LRFN5: variants seen among roughly 807,000 people sequenced by gnomAD.
LRFN5 encodes the protein leucine-rich repeat and fibronectin type-III domain-containing protein 5.
LRFN5 carries 24 observed loss-of-function variants against 45.6 expected under a neutral mutation model. The ratio of observed to expected loss-of-function variants is 0.53; its 90% CI spans 0.38 to 0.74. The LOEUF (loss-of-function observed/expected upper bound fraction) is 0.74, where lower values mean the gene tolerates loss of function less well. Ranked by LOEUF, LRFN5 falls within the 30% of genes least tolerant of loss-of-function variation. LRFN5 has a pLI of 0.00. For missense variants in LRFN5, 776 were observed against 861.5 expected, an observed-to-expected ratio of 0.90 and a Z score of 1.24; for synonymous variants, 340 against 313.8, an observed-to-expected ratio of 1.08 and a Z score of -0.88.
intron 1 of LRFN5, among the ~76,000 whole-genome samples, chr14:41,627,468 T>C (rs1174841593): frequency 6.6e-6 from 1 of 152,142 alleles, no homozygotes; most frequent in Non-Finnish European, 1.5e-5. Context: ...TCTAGGTATA[T>C]TTTCCTTTTG....
intron 1 of LRFN5, among the ~76,000 whole-genome samples, chr14:41,717,833 T>G (rs1165009729): frequency 2.6e-5 from 4 of 152,154 alleles, no homozygotes; most frequent in Non-Finnish European, 5.9e-5. Context: ...CCTGGTGTCT[T>G]CAGTCTCAAA....
chr14:41,652,028 C>A (rs1033172034), intron 1 of LRFN5, among the ~76,000 whole-genome samples: 2 of 151,912 alleles, frequency 1.3e-5, no homozygotes, highest in African/African-American at 4.8e-5. Context: ...CTTTAAAGAC[C>A]CCATTTCCAA....
rs575817317 is a variant in LRFN5, at chr14:41,620,592, T to A, written c.-197+12030T>A. ...TTGTGTAACTTTTTTCCCACTGATG[T>A]CTATCTGTTTAATAGTTCTATTTCT... On this transcript the variant is annotated intron_variant, in intron 1 of 5. Transcript: ENST00000298119. 2.6e-5 allele frequency among the ~76,000 whole-genome samples: 4 copies of A among 152,226 alleles called. No individual in the cohort carries two copies. The East Asian group carries it at 5.8e-4, about 22-fold the overall frequency.
intron 2 of LRFN5, among the ~76,000 whole-genome samples, chr14:41,833,259 G>A (rs1030786033): frequency 5.3e-5 from 8 of 152,108 alleles, no homozygotes; most frequent in Admixed American, 3.9e-4. Flanking sequence ...TTAGCGATCC[G>A]CAGGAAAAGT....
At chr14:41,901,593 CTT>C (rs1891103790) in intron 5 of LRFN5, among the ~76,000 whole-genome samples, 1 of 151,864 alleles carries the variant, frequency 6.6e-6, no homozygotes, top group African/African-American at 2.4e-5. Flanking sequence ...AAAGTGTAAA[CTT>C]TGCAATAAAA....
At position 41,886,587 on chromosome 14, in the gene LRFN5, T is replaced by A. The variant is rs1295740392; in HGVS notation, c.-20-19T>A. ...AAATCACTGGATGCTAACATTCTAT[T>A]TTGTGTCTTCCGTTACAGGCTCTTA... On this transcript the variant is annotated intron_variant, in intron 2 of 5. Coordinates refer to ENST00000298119, the MANE Select transcript of LRFN5 (RefSeq NM_152447.5). The A allele has an allele frequency of 2.7e-6, 4 of 1,461,926 alleles. No homozygotes were observed. 90.6% of individuals were successfully genotyped at this position (1,461,926 alleles called of 1,614,324 possible).
intron 2 of LRFN5, among the ~76,000 whole-genome samples, chr14:41,850,768 A>G (rs17781468): frequency 0.34 from 51,110 of 151,606 alleles, 9,664 homozygotes; most frequent in Non-Finnish European, 0.43. Flanking sequence ...ACATTCCAGT[A>G]CAGTACAACA....
Position 41,891,919 on chromosome 14 carries a change from T to G in LRFN5, c.2055T>G (p.Ser685=), listed in dbSNP as rs34676437. 5.8e-4 allele frequency: 938 copies of G among 1,614,088 alleles called. 10 individuals are homozygous for G. In the African/African-American group the frequency reaches 0.011, roughly 20 times the overall value. The change falls in exon 4 of 6, where the codon TCT becomes TCG. Residue 685 remains serine, a synonymous_variant. Transcript: ENST00000298119. The part of the protein sequence containing the change: ...ALQLASRPPD[S]VTEGPTSKRA... ...AGTTAGCTAGCCGTCCTCCCGATTC[T>G]GTCACAGAGGGGCCCACGTCTAAAA... is the stretch of plus-strand genomic sequence containing the variant.
At chr14:41,841,343 C>T (rs1344485200) in intron 2 of LRFN5, among the ~76,000 whole-genome samples, 1 of 151,814 alleles carries the variant, frequency 6.6e-6, no homozygotes, top group Non-Finnish European at 1.5e-5. Context: ...ATGGAAATAG[C>T]TAGTTCGAAA....
intron 1 of LRFN5, among the ~76,000 whole-genome samples, chr14:41,703,154 T>C (rs35435728): frequency 0.012 from 1,802 of 152,322 alleles, 21 homozygotes; most frequent in Middle Eastern, 0.031. Context: ...AATATCGTTG[T>C]TTAGTTAATT....
intron 1 of LRFN5, among the ~76,000 whole-genome samples, chr14:41,755,304 A>G (rs946847478): frequency 2.6e-5 from 4 of 152,126 alleles, no homozygotes; most frequent in Admixed American, 1.3e-4. Flanking sequence ...AGCTGAGTTA[A>G]GTTCCTGGAT....
intron 1 of LRFN5, among the ~76,000 whole-genome samples, chr14:41,752,017 T>C (rs575817247): frequency 6.6e-6 from 1 of 152,266 alleles, no homozygotes; most frequent in East Asian, 1.9e-4. Flanking sequence ...ATGCAGTGTT[T>C]GGTTTTTTGT....
intron 2 of LRFN5, among the ~76,000 whole-genome samples, chr14:41,849,069 T>C (rs1889172344): frequency 6.6e-6 from 1 of 152,088 alleles, no homozygotes; most frequent in African/African-American, 2.4e-5. Context: ...CTTGCGCTGA[T>C]GTGATCTCCA....
At chr14:41,835,105 A>T (rs910977209) in intron 2 of LRFN5, among the ~76,000 whole-genome samples, 1 of 152,228 alleles carries the variant, frequency 6.6e-6, no homozygotes, top group Non-Finnish European at 1.5e-5. Flanking sequence ...TTTCTTGAAT[A>T]TAATGACTTT....
intron 1 of LRFN5, among the ~76,000 whole-genome samples, chr14:41,732,021 A>G (rs891088272): frequency 6.6e-6 from 1 of 152,220 alleles, no homozygotes; most frequent in Non-Finnish European, 1.5e-5. Flanking sequence ...CTTTCAGAAT[A>G]TGTCTGATAT....
At chr14:41,825,056 G>A (rs187537946) in intron 2 of LRFN5, among the ~76,000 whole-genome samples, 1 of 152,264 alleles carries the variant, frequency 6.6e-6, no homozygotes, top group East Asian at 1.9e-4. Context: ...ATGGCCTCTG[G>A]GCAGAAGTTC....
chr14:41,869,716 A>T (rs764751529), intron 2 of LRFN5, among the ~76,000 whole-genome samples: 16 of 152,088 alleles, frequency 1.1e-4, no homozygotes, highest in Non-Finnish European at 2.1e-4. Flanking sequence ...GTGGCAGACA[A>T]GAGAGAGCTT....
In LRFN5 at chr14:41,753,242, G is replaced by T. The variant is rs543320768; in HGVS notation, c.-196-13612G>T. Among the ~76,000 whole-genome samples the T allele has an allele frequency of 3.5e-4, 53 of 150,698 alleles. 1 individual carries two copies. The South Asian group carries it at 0.01, about 30-fold the overall frequency. On this transcript the variant is annotated intron_variant, in intron 1 of 5. Transcript: ENST00000298119. ...TCTTTTGGCTTAGGATTGACTTGGCGATGCGGGCTCTTTTTTGGTTCCATA... is the reference window on the plus strand; with the variant it reads ...TCTTTTGGCTTAGGATTGACTTGGCTATGCGGGCTCTTTTTTGGTTCCATA...
At chr14:41,624,232 T>C (rs1888243333) in intron 1 of LRFN5, among the ~76,000 whole-genome samples, 1 of 152,114 alleles carries the variant, frequency 6.6e-6, no homozygotes, top group African/African-American at 2.4e-5. Flanking sequence ...GTCCAAAACA[T>C]TATACTTTTG....
Sources: gnomAD v4.1 joint callset for allele counts (sites outside exome capture counted in the v4.1 genomes callset) on GRCh38, gnomAD v4.1.1 for gene constraint, MANE v1.5 for transcripts, NCBI Gene and HGNC (gene_info 2026-07-23, HGNC 2026-07-21) for gene names.